The following TOP6BL variants were observed in gnomAD, a reference collection of about 807,000 sequenced individuals.
TOP6BL encodes the protein type 2 DNA topoisomerase 6 subunit B-like.
the TOP6BL span, among the ~76,000 whole-genome samples, chr11:66,805,200 C>T: frequency 6.6e-6 from 1 of 152,138 alleles, no homozygotes. Context: ...CGACACTGCA[C>T]TCTAGCCTCG....
the TOP6BL span, among the ~76,000 whole-genome samples, chr11:66,785,937 T>C: frequency 1.3e-5 from 2 of 152,244 alleles, no homozygotes; most frequent in South Asian, 4.1e-4. Context: ...CTCTCTTTTG[T>C]TCCCTTTTTG....
the TOP6BL span, among the ~76,000 whole-genome samples, chr11:66,805,568 C>T: frequency 6.6e-6 from 1 of 151,780 alleles, no homozygotes. Context: ...CTCAAACCAT[C>T]CTCCCACCTC....
At chr11:66,814,410 C>T in the TOP6BL span, among the ~76,000 whole-genome samples, 3 of 152,086 alleles carry the variant, frequency 2.0e-5, no homozygotes, top group Non-Finnish European at 4.4e-5. Context: ...AGGTGCCTAC[C>T]ACCATGCCTG....
the TOP6BL span, among the ~76,000 whole-genome samples, chr11:66,812,100 C>T: frequency 6.6e-6 from 1 of 152,012 alleles, no homozygotes; most frequent in Non-Finnish European, 1.5e-5. Context: ...CTTCATATTA[C>T]AAGTAAATGA....
chr11:66,779,195 G>C, the TOP6BL span, among the ~76,000 whole-genome samples: 1 of 152,144 alleles, frequency 6.6e-6, no homozygotes, highest in East Asian at 1.9e-4. Context: ...CTTCTGCACA[G>C]CAAAAGAAAC....
At chr11:66,757,752 A>T in the TOP6BL span, among the ~76,000 whole-genome samples, 1 of 151,910 alleles carries the variant, frequency 6.6e-6, no homozygotes, top group Non-Finnish European at 1.5e-5. Flanking sequence ...ACGCTCAGCT[A>T]ATTTTTGTTA....
chr11:66,784,118 C>A, the TOP6BL span, among the ~76,000 whole-genome samples: 1 of 152,148 alleles, frequency 6.6e-6, no homozygotes, highest in Admixed American at 6.6e-5. Flanking sequence ...GCAAGCTCCA[C>A]CTCCTGGGTT....
the TOP6BL span, among the ~76,000 whole-genome samples, chr11:66,749,516 G>C: frequency 6.6e-6 from 1 of 151,988 alleles, no homozygotes; most frequent in African/African-American, 2.4e-5. Context: ...CTAGAATAGG[G>C]GGCATTTCTC....
chr11:66,799,857 A>G, the TOP6BL span, among the ~76,000 whole-genome samples: 5 of 151,912 alleles, frequency 3.3e-5, no homozygotes, highest in African/African-American at 1.2e-4. Flanking sequence ...AGGCAGGAGG[A>G]TCACTTGACC....
At chr11:66,760,062 A>C in the TOP6BL span, among the ~76,000 whole-genome samples, 1 of 152,190 alleles carries the variant, frequency 6.6e-6, no homozygotes, top group Non-Finnish European at 1.5e-5. Flanking sequence ...TTAATTTACA[A>C]ATTTTACAAA....
chr11:66,799,498 G>A, the TOP6BL span, among the ~76,000 whole-genome samples: 1 of 151,094 alleles, frequency 6.6e-6, no homozygotes, highest in Non-Finnish European at 1.5e-5. Context: ...TCACTTGGGT[G>A]GTCAGGAGTT....
At chr11:66,814,449 G>T in the TOP6BL span, among the ~76,000 whole-genome samples, 1 of 152,020 alleles carries the variant, frequency 6.6e-6, no homozygotes, top group Non-Finnish European at 1.5e-5. Context: ...TTTTGGTAGA[G>T]ACAGAGTTTC....
the TOP6BL span, among the ~76,000 whole-genome samples, chr11:66,807,339 A>G: frequency 6.6e-6 from 1 of 152,332 alleles, no homozygotes; most frequent in Middle Eastern, 3.4e-3. Context: ...TGGGAGGCCA[A>G]GGTGGATGGA....
chr11:66,816,210 G>T, the TOP6BL span: 1 of 1,604,356 alleles, frequency 6.2e-7, no homozygotes. Context: ...GTAAGTATAA[G>T]AGAATGGGGT....
chr11:66,838,475 G>A, the TOP6BL span: 2,181 of 1,589,696 alleles, frequency 1.4e-3, 29 homozygotes, highest in African/African-American at 0.026. Flanking sequence ...AGTGAGCCCT[G>A]GACTGCAGCA....
chr11:66,827,966 GAAA>G, the TOP6BL span, among the ~76,000 whole-genome samples: 15 of 30,112 alleles, frequency 5.0e-4, no homozygotes, highest in East Asian at 1.1e-3. Flanking sequence ...CTCTGTCTCA[GAAA>G]AAAAAAAAAA....
the TOP6BL span, among the ~76,000 whole-genome samples, chr11:66,826,378 T>C: frequency 6.6e-6 from 1 of 152,240 alleles, no homozygotes; most frequent in Non-Finnish European, 1.5e-5. Context: ...ACCATTCCTC[T>C]GTTAGACATT....
chr11:66,756,414 C>T, the TOP6BL span: 2 of 1,123,440 alleles, frequency 1.8e-6, no homozygotes, highest in South Asian at 3.1e-5. Flanking sequence ...CTCACTGCAA[C>T]CTCCACCTCC....
chr11:66,776,935 C>A, the TOP6BL span, among the ~76,000 whole-genome samples: 1 of 152,024 alleles, frequency 6.6e-6, no homozygotes, highest in Non-Finnish European at 1.5e-5. Flanking sequence ...GCTGTAGTGT[C>A]CCAGCTTCTT....
Sources: gnomAD v4.1 joint callset for allele counts (sites outside exome capture counted in the v4.1 genomes callset) on GRCh38, gnomAD v4.1.1 for gene constraint, MANE v1.5 for transcripts, NCBI Gene and HGNC (gene_info 2026-07-23, HGNC 2026-07-21) for gene names.